DBNDD2: variants seen among roughly 807,000 people sequenced by gnomAD.
DBNDD2 encodes dysbindin domain containing 2.
Under a neutral mutation model 14.0 loss-of-function variants are expected in DBNDD2, and 8 were observed. The ratio of observed to expected loss-of-function variants is 0.57; its 90% confidence interval spans 0.33 to 1.03. The LOEUF is 1.03. DBNDD2 is among the 50% of genes least tolerant of loss of function. DBNDD2 has a pLI of 0.03. For missense variants in DBNDD2, 194 were observed against 206.0 expected (o/e 0.94, Z 0.36); for synonymous variants, 94 against 85.3 (o/e 1.10, Z -0.56).
chr20:45,406,387 A>C, upstream of DBNDD2: 1 of 1,417,180 alleles, frequency 7.1e-7, no homozygotes, highest in Non-Finnish European at 9.5e-7. Flanking sequence ...GCGAGCGGAG[A>C]CTAGCGCACC....
chr20:45,406,611 G>A (rs1989409190), upstream of DBNDD2: 2 of 1,428,600 alleles, frequency 1.4e-6, no homozygotes, highest in Non-Finnish European at 1.8e-6. Flanking sequence ...CCCAGGGCCC[G>A]TCGGTCCCCC....
upstream of DBNDD2, chr20:45,406,663 C>A (rs1216524571): frequency 2.2e-6 from 3 of 1,346,016 alleles, no homozygotes; most frequent in African/African-American, 1.6e-5. Flanking sequence ...CGGCGCGGCT[C>A]GCTCCCACGC....
At chr20:45,406,175 T>C, upstream of DBNDD2, 1 of 433,984 alleles carries the variant, frequency 2.3e-6, no homozygotes. Flanking sequence ...CAACTCTCTC[T>C]TTCCCATCGT....
rs896348704 is a variant in DBNDD2, at chr20:45,408,488, C to G, written c.21C>G (p.Ala7=). The change falls in exon 1 of 3, where the codon GCC becomes GCG. Residue 7 remains alanine (A), a synonymous_variant. Transcript: ENST00000372710. MDPNPR[A]ALERQQLRLR... ...CTGACATGGACCCAAATCCTCGGGC[C>G]GCCCTGGAGCGCCAGCAGCTCCGCC... 26 of 1,614,134 alleles carry G rather than the reference C, an allele frequency of 1.6e-5. No homozygotes were observed. Among genetic ancestry groups the G allele is most frequent in the Non-Finnish European group, 2.1e-5 (25 of 1,180,052 alleles).
chr20:45,406,277 G>A, upstream of DBNDD2: 4 of 576,482 alleles, frequency 6.9e-6, no homozygotes, highest in South Asian at 7.0e-5. Context: ...TTGCGTGGGC[G>A]CTGCCCAAAA....
In DBNDD2 at chr20:45,408,409, G is replaced by A. The variant is rs11541732; in HGVS notation, c.-59G>A. The A allele has an allele frequency of 6.2e-7, 1 of 1,614,130 alleles. No homozygotes were observed. Among genetic ancestry groups the A allele is most frequent in the Admixed American group, 1.7e-5 (1 of 60,032 alleles). On this transcript the variant is annotated 5_prime_UTR_variant, in exon 1 of 3. Transcript: ENST00000372710. The stretch of plus-strand genomic sequence containing the variant: ...GGCGCCCCAAGCCCAGGTCCCCTCT[G>A]TCTTCTCTTTCGACTTTGCAGCTGT...
rs1310747136 is a variant in DBNDD2 at position 45,408,606 on chromosome 20, CG to C, written c.139+1del. 6.2e-7 allele frequency: 1 copy of C among 1,612,232 alleles called. No individual in the cohort carries two copies. The highest frequency in any genetic ancestry group is 8.5e-7 in the Non-Finnish European group (1 of 1,178,650). On this transcript the variant is annotated splice_donor_variant, in intron 1 of 2. Coordinates refer to ENST00000372710, the MANE Select transcript of DBNDD2 (RefSeq NM_001048225.4). LOFTEE classifies it high-confidence loss of function. ...CCATCTGCATCTCGAGTCGCAGAGACGTAAGTCCCAAGTCCTGAGAAGAGGG... is the reference window on the plus strand; with the variant it reads ...CCATCTGCATCTCGAGTCGCAGAGACTAAGTCCCAAGTCCTGAGAAGAGGG...
chr20:45,409,117 T>G, intron 2 of DBNDD2, 179 bp downstream of exon 2: 8 of 1,232,912 alleles, frequency 6.5e-6, no homozygotes, highest in Non-Finnish European at 9.0e-6. Context: ...GAGGGAGAAC[T>G]GGGTTACACA....
chr20:45,406,217 G>A (rs1989356721), upstream of DBNDD2: 1 of 508,324 alleles, frequency 2.0e-6, no homozygotes. Flanking sequence ...GCGTGTAAGT[G>A]TGGCGAGTGT....
upstream of DBNDD2, chr20:45,406,742 CCGG>C (rs1475522512): frequency 7.9e-7 from 1 of 1,267,596 alleles, no homozygotes; most frequent in East Asian, 3.3e-5. Context: ...GGTAGGGGCT[CCGG>C]CGGCGGTGGG....
chr20:45,408,080 A>G (rs1989573251), upstream of DBNDD2: 1 of 1,473,600 alleles, frequency 6.8e-7, no homozygotes, highest in Admixed American at 2.5e-5. Flanking sequence ...CTTCTGAGGC[A>G]AGCGGGGCCA....
rs1482002961 is a variant in DBNDD2, at chr20:45,408,307, G to C, written c.-161G>C. ...GTGGGACACACTTGGTTTCAGGGAA[G>C]GGGAAAGAGGTCACCAAGGGCAGAG... On this transcript the variant is annotated 5_prime_UTR_variant, in exon 1 of 3. Coordinates refer to ENST00000372710, the MANE Select transcript of DBNDD2 (RefSeq NM_001048225.4). 6.4e-7 allele frequency: 1 copy of C among 1,574,528 alleles called. No homozygotes were observed. Among genetic ancestry groups the C allele is most frequent in the Non-Finnish European group, 8.6e-7 (1 of 1,159,690 alleles).
upstream of DBNDD2, chr20:45,407,317 G>T: frequency 1.0e-6 from 1 of 986,040 alleles, no homozygotes; most frequent in Non-Finnish European, 1.2e-6. Context: ...GACTTCCGTG[G>T]CCCTGCCTTG....
rs1366763121 is a variant in DBNDD2 at position 45,409,943 on chromosome 20, C to T, written c.289C>T (p.His97Tyr). ...PTPQSSGMDN[H>Y]LEELSLPVPT... ...TTCTCTCTGGGCAGGGATGGACAAC[C>T]ATTTGGAGGAGCTGAGCCTGCCGGT... Residue 97 changes from histidine (H) to tyrosine (Y), a missense_variant, in exon 3 of 3, where the codon CAT becomes TAT. Physicochemically the swap from His to Tyr is moderately conservative, Grantham distance 83 (BLOSUM62 2). Coordinates refer to ENST00000372710, the MANE Select transcript of DBNDD2 (RefSeq NM_001048225.4). 1 of 1,551,714 alleles carries T rather than the reference C, an allele frequency of 6.4e-7. No individual in the cohort carries two copies. The highest frequency in any genetic ancestry group is 8.7e-7 in the Non-Finnish European group (1 of 1,146,996).
chr20:45,407,468 C>A (rs941582229), upstream of DBNDD2: 18 of 985,686 alleles, frequency 1.8e-5, no homozygotes, highest in African/African-American at 3.5e-5. Flanking sequence ...ACTCCCTTGC[C>A]TCTGGTGATG....
At chr20:45,409,516 A>G (rs1216959606) in intron 2 of DBNDD2, among the ~76,000 whole-genome samples, 3 of 152,236 alleles carry the variant, frequency 2.0e-5, no homozygotes, top group Non-Finnish European at 4.4e-5. Flanking sequence ...TTTTAATTAA[A>G]ACTGCTACTA....
At chr20:45,407,696 A>G, upstream of DBNDD2, 3 of 993,774 alleles carry the variant, frequency 3.0e-6, no homozygotes, top group Non-Finnish European at 3.6e-6. Flanking sequence ...AGGGGGACGC[A>G]TAAAGAGCTG....
Position 45,408,431 on chromosome 20 carries a change from C to T in DBNDD2, c.-37C>T. 6.2e-7 allele frequency: 1 copy of T among 1,614,242 alleles called. No homozygotes were observed. Among genetic ancestry groups the T allele is most frequent in the Non-Finnish European group, 8.5e-7 (1 of 1,180,048 alleles). ...TCTGTCTTCTCTTTCGACTTTGCAG[C>T]TGTACTTGTTTTGCTCCTCTACCCG... On this transcript the variant is annotated 5_prime_UTR_variant, in exon 1 of 3. Transcript: ENST00000372710.
rs557395342 is a variant in DBNDD2 at position 45,408,391 on chromosome 20, C to A, written c.-77C>A. 3.1e-5 allele frequency: 50 copies of A among 1,613,688 alleles called. No homozygotes were observed. In the African/African-American group the frequency reaches 6.3e-4, roughly 20 times the overall value. ...GGATGCTGGCTGCAGTGGGGCGCCC[C>A]AAGCCCAGGTCCCCTCTGTCTTCTC... On this transcript the variant is annotated 5_prime_UTR_variant, in exon 1 of 3. Coordinates refer to ENST00000372710, the MANE Select transcript of DBNDD2 (RefSeq NM_001048225.4).
Sources: allele counts gnomAD v4.1 joint callset (sites outside exome capture counted in the v4.1 genomes callset), GRCh38; gene constraint gnomAD v4.1.1; transcripts MANE v1.5; gene names NCBI Gene and HGNC (gene_info 2026-07-23, HGNC 2026-07-21).